The following AGBL4 variants were observed in gnomAD, a reference collection of about 807,000 sequenced individuals.
AGBL4 encodes the protein cytosolic carboxypeptidase 6.
A neutral mutation model predicts 66.4 loss-of-function variants in AGBL4; 58 were observed. The observed-to-expected ratio is 0.87, with a 90% confidence interval of 0.71 to 1.09. AGBL4 has a LOEUF of 1.09. AGBL4 is among the 50% of genes least tolerant of loss of function. The pLI is 0.00. For missense variants in AGBL4, 579 were observed against 631.0 expected (o/e 0.92, Z 0.88); for synonymous variants, 234 against 222.9 (o/e 1.05, Z -0.44).
chr1:49,233,850 C>T (rs1444936591), intron 4 of AGBL4, among the ~76,000 whole-genome samples: 1 of 152,206 alleles, frequency 6.6e-6, no homozygotes. Context: ...CCTGCACACA[C>T]AGCTAAATGT....
intron 1 of AGBL4, among the ~76,000 whole-genome samples, chr1:49,926,012 C>T (rs903664420): frequency 2.0e-5 from 3 of 152,132 alleles, no homozygotes; most frequent in African/African-American, 7.2e-5. Flanking sequence ...ACTGTACAGC[C>T]CCCAGGCCTT....
Position 49,909,310 on chromosome 1 carries a change from T to C in AGBL4, c.35-57792A>G, listed in dbSNP as rs369936796. On this transcript the variant is annotated intron_variant, in intron 1 of 13. Coordinates refer to ENST00000371839, the MANE Select transcript of AGBL4 (RefSeq NM_032785.4). Reference sequence around the variant, plus strand: ...CCCACATATATACATAAGTATATTATATGTTTCTTTGCAAGTAAAGGAGAT... The same window carrying C: ...CCCACATATATACATAAGTATATTACATGTTTCTTTGCAAGTAAAGGAGAT... Among the ~76,000 whole-genome samples, 50 of 152,324 alleles carry C rather than the reference T, an allele frequency of 3.3e-4. 1 individual carries two copies. In the South Asian group the frequency reaches 9.5e-3, roughly 29 times the overall value.
chr1:48,729,020 T>C (rs1344721818), intron 6 of AGBL4, among the ~76,000 whole-genome samples: 1 of 152,164 alleles, frequency 6.6e-6, no homozygotes, highest in African/African-American at 2.4e-5. Flanking sequence ...GGAGCCCGAC[T>C]TCAATTGACT....
chr1:49,223,172 C>T (rs1486135730), intron 4 of AGBL4, among the ~76,000 whole-genome samples: 1 of 152,016 alleles, frequency 6.6e-6, no homozygotes, highest in African/African-American at 2.4e-5. Flanking sequence ...AGTTGAATCT[C>T]AGAAGGTTTT....
intron 3 of AGBL4, among the ~76,000 whole-genome samples, chr1:49,355,496 C>T (rs926480389): frequency 1.3e-5 from 2 of 152,148 alleles, no homozygotes; most frequent in Non-Finnish European, 2.9e-5. Flanking sequence ...AACCTAACTG[C>T]TCTCCTTGAT....
intron 1 of AGBL4, chr1:49,995,532 C>G: frequency 3.1e-6 from 1 of 326,676 alleles, no homozygotes; most frequent in Non-Finnish European, 6.1e-6. Flanking sequence ...ATGCCTAACC[C>G]TGCCCTCACC....
At chr1:49,509,311 T>G (rs940740069) in intron 3 of AGBL4, among the ~76,000 whole-genome samples, 1 of 151,956 alleles carries the variant, frequency 6.6e-6, no homozygotes, top group Non-Finnish European at 1.5e-5. Context: ...ATTTTTTAAG[T>G]AATATTGAGT....
intron 2 of AGBL4, among the ~76,000 whole-genome samples, chr1:49,821,088 C>T (rs921682519): frequency 6.6e-6 from 1 of 152,094 alleles, no homozygotes; most frequent in African/African-American, 2.4e-5. Context: ...TGAGGTCTAC[C>T]AAAGGTAGCA....
At chr1:49,759,196 G>C (rs977981192) in intron 2 of AGBL4, among the ~76,000 whole-genome samples, 1 of 152,034 alleles carries the variant, frequency 6.6e-6, no homozygotes, top group African/African-American at 2.4e-5. Context: ...CCAGTCTCAG[G>C]CAATTCTTCA....
At chr1:49,925,497 GGGGAGAAATGAA>G (rs1156703387) in intron 1 of AGBL4, among the ~76,000 whole-genome samples, 1 of 152,136 alleles carries the variant, frequency 6.6e-6, no homozygotes, top group Non-Finnish European at 1.5e-5. Context: ...AGAAAAGCAA[GGGGAGAAATGAA>G]GGGGACTTTG....
chr1:49,876,958 T>C (rs1214631920), intron 1 of AGBL4, among the ~76,000 whole-genome samples: 5 of 151,838 alleles, frequency 3.3e-5, no homozygotes, highest in Non-Finnish European at 7.4e-5. Flanking sequence ...GGCTCTCTGT[T>C]TGTCTGTTGT....
At chr1:49,463,766 G>T (rs1342122815) in intron 3 of AGBL4, among the ~76,000 whole-genome samples, 1 of 151,772 alleles carries the variant, frequency 6.6e-6, no homozygotes, top group African/African-American at 2.4e-5. Flanking sequence ...ACTCTGGGAA[G>T]ATTAATGATG....
chr1:49,626,126 T>C, intron 3 of AGBL4, among the ~76,000 whole-genome samples: 1 of 152,176 alleles, frequency 6.6e-6, no homozygotes, highest in Non-Finnish European at 1.5e-5. Flanking sequence ...ATTCTTTCTA[T>C]GTAGAATGCA....
intron 9 of AGBL4, among the ~76,000 whole-genome samples, chr1:48,596,208 A>G (rs1405421710): frequency 6.6e-6 from 1 of 152,160 alleles, no homozygotes; most frequent in Non-Finnish European, 1.5e-5. Flanking sequence ...TTACTTGATT[A>G]TAGTAAGGCA....
At chr1:48,831,965 A>C (rs956258424) in intron 6 of AGBL4, among the ~76,000 whole-genome samples, 9 of 152,226 alleles carry the variant, frequency 5.9e-5, no homozygotes, top group African/African-American at 2.2e-4. Context: ...TTTAGCAGGC[A>C]ATGTGTTAGG....
In AGBL4 at chr1:49,030,357, C is replaced by T. The variant is rs2764698; in HGVS notation, c.594+15227G>A. Reference sequence around the variant, plus strand: ...TGAAAACCAGGAAGTGGGCCCTCAACAGACACTGGATCTGCCAGCAACTTG... The same window carrying T: ...TGAAAACCAGGAAGTGGGCCCTCAATAGACACTGGATCTGCCAGCAACTTG... On this transcript the variant is annotated intron_variant, in intron 5 of 13. Coordinates refer to ENST00000371839, the MANE Select transcript of AGBL4 (RefSeq NM_032785.4). Among the ~76,000 whole-genome samples, 816 of 152,236 alleles carry T rather than the reference C, an allele frequency of 5.4e-3. 3 individuals are homozygous for T. Among genetic ancestry groups the T allele is most frequent in the Admixed American group, 8.8e-3 (134 of 15,294 alleles).
intron 1 of AGBL4, among the ~76,000 whole-genome samples, chr1:50,000,879 A>G (rs1660696861): frequency 6.6e-6 from 1 of 152,180 alleles, no homozygotes; most frequent in African/African-American, 2.4e-5. Context: ...AGGCATAAGA[A>G]TAATACAATG....
chr1:49,092,846 G>T (rs563283694), intron 4 of AGBL4, among the ~76,000 whole-genome samples: 1 of 152,062 alleles, frequency 6.6e-6, no homozygotes, highest in Non-Finnish European at 1.5e-5. Flanking sequence ...ACACTGTTCT[G>T]CCAGGCCCAA....
intron 1 of AGBL4, among the ~76,000 whole-genome samples, chr1:49,882,999 C>T (rs900471712): frequency 6.6e-6 from 1 of 152,052 alleles, no homozygotes; most frequent in Non-Finnish European, 1.5e-5. Context: ...TCTGCCTACA[C>T]GTACATGCAA....
Sources: allele counts gnomAD v4.1 joint callset (sites outside exome capture counted in the v4.1 genomes callset), GRCh38; gene constraint gnomAD v4.1.1; transcripts MANE v1.5; gene names NCBI Gene and HGNC (gene_info 2026-07-23, HGNC 2026-07-21).